Variants in TLK2 observed in about 807,000 individuals in gnomAD.
The protein encoded by TLK2 is tousled like kinase 2, also known as serine/threonine-protein kinase tousled-like 2.
A neutral mutation model predicts 117.3 loss-of-function variants in TLK2; 6 were observed. The observed-to-expected ratio is 0.05, with a 90% CI of 0.03 to 0.10. TLK2 has a LOEUF of 0.10. TLK2 is among the 10% of genes least tolerant of loss of function. TLK2 has a pLI of 1.00. For synonymous variants in TLK2, 257 were observed against 316.7 expected (o/e 0.81, Z 2.00); for missense variants, 299 against 901.2 (o/e 0.33, Z 8.56).
chr17:62,563,124 AAG>A (rs905450605), intron 10 of TLK2, among the ~76,000 whole-genome samples: 13 of 152,242 alleles, frequency 8.5e-5, no homozygotes, highest in Non-Finnish European at 1.3e-4. Context: ...GTAATAAAAA[AAG>A]AATGAATTTC....
chr17:62,576,283 A>G lies in TLK2; in HGVS notation c.1122-426A>G, dbSNP rs1007601881. Among the ~76,000 whole-genome samples the G allele has an allele frequency of 1.4e-4, 22 of 152,304 alleles. No individual in the cohort carries two copies. The East Asian group carries it at 2.7e-3, about 19-fold the overall frequency. ...AAATCCTAGACTCTAATTTGCTGCT[A>G]TATCTTTCTCTTTGTTATTACAGTA... On this transcript the variant is annotated intron_variant, in intron 12 of 21. Coordinates refer to ENST00000346027, the MANE Select transcript of TLK2 (RefSeq NM_006852.6).
At chr17:62,587,510 C>T (rs889514975) in intron 16 of TLK2, among the ~76,000 whole-genome samples, 1 of 152,110 alleles carries the variant, frequency 6.6e-6, no homozygotes, top group Admixed American at 6.6e-5. Context: ...CTAGCCTGGT[C>T]CAAGGCAACT....
chr17:62,479,927 A>G (rs2071423548), intron 1 of TLK2, among the ~76,000 whole-genome samples: 12 of 152,178 alleles, frequency 7.9e-5, no homozygotes, highest in Admixed American at 7.2e-4. Flanking sequence ...GCCACGGGGG[A>G]AACTCATTCT....
intron 2 of TLK2, among the ~76,000 whole-genome samples, chr17:62,496,304 G>A (rs1345750978): frequency 2.6e-5 from 4 of 151,724 alleles, no homozygotes; most frequent in East Asian, 1.9e-4. Flanking sequence ...TGGCTGAACC[G>A]TTTCCTGTTG....
At chr17:62,496,039 T>A (rs1459782472) in intron 2 of TLK2, among the ~76,000 whole-genome samples, 1 of 152,100 alleles carries the variant, frequency 6.6e-6, no homozygotes, top group African/African-American at 2.4e-5. Flanking sequence ...CAGTGAAACA[T>A]CTCTTCTACA....
At chr17:62,554,287 A>C (rs902158248) in intron 9 of TLK2, among the ~76,000 whole-genome samples, 1 of 152,214 alleles carries the variant, frequency 6.6e-6, no homozygotes, top group Non-Finnish European at 1.5e-5. Context: ...TTTAAAGAGT[A>C]AAAAGGGCCG....
intron 2 of TLK2, among the ~76,000 whole-genome samples, chr17:62,504,910 C>A (rs1264961775): frequency 6.6e-6 from 1 of 152,128 alleles, no homozygotes; most frequent in Non-Finnish European, 1.5e-5. Flanking sequence ...GTGGCGTGAT[C>A]TTGGCTTACT....
intron 2 of TLK2, among the ~76,000 whole-genome samples, chr17:62,501,111 G>T (rs1167616359): frequency 6.6e-6 from 1 of 152,150 alleles, no homozygotes; most frequent in African/African-American, 2.4e-5. Flanking sequence ...GGTGGCAGGT[G>T]CCTGTAGTCC....
chr17:62,523,257 A>T, intron 5 of TLK2, 80 bp downstream of exon 5: 2 of 1,532,522 alleles, frequency 1.3e-6, no homozygotes, highest in Non-Finnish European at 1.8e-6. Context: ...AAAAACCCTA[A>T]ATCCTTGTGT....
At chr17:62,572,741 A>G (rs2080411311) in intron 11 of TLK2, 1 of 152,896 alleles carries the variant, frequency 6.5e-6, no homozygotes, top group African/African-American at 2.4e-5. Flanking sequence ...TAAAAAGAAA[A>G]TCTTGTTTAC....
intron 7 of TLK2, among the ~76,000 whole-genome samples, chr17:62,541,943 T>C (rs1264793239): frequency 6.6e-6 from 1 of 152,170 alleles, no homozygotes; most frequent in African/African-American, 2.4e-5. Flanking sequence ...ACAAAGACAA[T>C]ATATATCAGG....
intron 2 of TLK2, among the ~76,000 whole-genome samples, chr17:62,513,153 T>A (rs1255278270): frequency 2.0e-5 from 3 of 151,702 alleles, no homozygotes; most frequent in African/African-American, 7.3e-5. Flanking sequence ...GTGCTGGGAT[T>A]ACAGGTGTGA....
chr17:62,494,056 A>C (rs2073394649), intron 2 of TLK2, among the ~76,000 whole-genome samples: 1 of 151,954 alleles, frequency 6.6e-6, no homozygotes, highest in Non-Finnish European at 1.5e-5. Context: ...TGCTATCCAG[A>C]TTTGCTGTAC....
chr17:62,473,950 C>T, upstream of TLK2, among the ~76,000 whole-genome samples: 1 of 152,080 alleles, frequency 6.6e-6, no homozygotes, highest in Non-Finnish European at 1.5e-5. Flanking sequence ...GGCTGGAGTA[C>T]AATGGTGGGT....
At chr17:62,537,261 A>G (rs1428241351) in intron 7 of TLK2, among the ~76,000 whole-genome samples, 1 of 152,226 alleles carries the variant, frequency 6.6e-6, no homozygotes, top group Non-Finnish European at 1.5e-5. Context: ...TAAGGAAAGG[A>G]AATAGAAATA....
intron 11 of TLK2, among the ~76,000 whole-genome samples, chr17:62,569,799 A>C (rs2080126200): frequency 6.6e-6 from 1 of 152,122 alleles, no homozygotes. Context: ...TTTGCTGCTG[A>C]AGGTACCCGC....
At chr17:62,526,589 T>G (rs1390922724) in intron 6 of TLK2, among the ~76,000 whole-genome samples, 3 of 152,180 alleles carry the variant, frequency 2.0e-5, no homozygotes, top group Non-Finnish European at 2.9e-5. Flanking sequence ...CTACTTGACA[T>G]TTCCACTTGT....
In TLK2 at chr17:62,574,266, A is replaced by G. The variant is rs58923111; in HGVS notation, c.1121+899A>G. On this transcript the variant is annotated intron_variant, in intron 12 of 21. Transcript: ENST00000346027. ...ATGGCTTAACACCAATCCTCACCCCATACATATCTGATGTTTTGGGAAGTC... is the reference window on the plus strand; with the variant it reads ...ATGGCTTAACACCAATCCTCACCCCGTACATATCTGATGTTTTGGGAAGTC... 19,289 of 1,525,358 alleles carry G rather than the reference A, an allele frequency of 0.013. 1,974 individuals carry two copies. In the African/African-American group the frequency reaches 0.23, roughly 18 times the overall value. 94.5% of individuals were successfully genotyped at this position (1,525,358 alleles called of 1,614,324 possible).
chr17:62,494,476 C>T (rs562523795), intron 2 of TLK2, among the ~76,000 whole-genome samples: 1 of 152,234 alleles, frequency 6.6e-6, no homozygotes, highest in African/African-American at 2.4e-5. Flanking sequence ...AGGCTGATCT[C>T]GAACTCCTGA....
Sources: gnomAD v4.1 joint callset for allele counts (sites outside exome capture counted in the v4.1 genomes callset) on GRCh38, gnomAD v4.1.1 for gene constraint, MANE v1.5 for transcripts, NCBI Gene and HGNC (gene_info 2026-07-23, HGNC 2026-07-21) for gene names.